SLCO3A1: variants seen among roughly 807,000 people sequenced by gnomAD.
SLCO3A1 encodes the protein solute carrier organic anion transporter family member 3A1, also known as PGE1 transporter.
In SLCO3A1, 27 loss-of-function variants were observed where a neutral mutation model predicts 63.1. The observed-to-expected ratio is 0.43, with a 90% CI of 0.32 to 0.59. SLCO3A1 has a LOEUF of 0.59. Ranked by LOEUF, SLCO3A1 falls within the 20% of genes least tolerant of loss-of-function variation. The pLI is 0.09. For synonymous variants in SLCO3A1, 473 were observed against 409.9 expected (o/e 1.15, Z -1.86); for missense variants, 773 against 945.8 (o/e 0.82, Z 2.40).
intron 3 of SLCO3A1, among the ~76,000 whole-genome samples, chr15:92,100,582 GAC>G (rs1318391999): frequency 6.6e-6 from 1 of 152,168 alleles, no homozygotes; most frequent in Non-Finnish European, 1.5e-5. Flanking sequence ...TTAAAGTTAA[GAC>G]ACTAACTAGA....
intron 9 of SLCO3A1, among the ~76,000 whole-genome samples, chr15:92,156,263 A>C (rs550564435): frequency 6.6e-6 from 1 of 152,146 alleles, no homozygotes; most frequent in African/African-American, 2.4e-5. Flanking sequence ...GGTGGGATGC[A>C]TGGAAGACCC....
rs138423967 is a variant in SLCO3A1, at chr15:91,912,561, A to G, written c.181-3432A>G. 1.0e-3 allele frequency among the ~76,000 whole-genome samples: 152 copies of G among 152,296 alleles called. No homozygotes were observed. Among genetic ancestry groups the G allele is most frequent in the African/African-American group, 3.2e-3 (132 of 41,550 alleles). On this transcript the variant is annotated intron_variant, in intron 1 of 9. Coordinates refer to ENST00000318445, the MANE Select transcript of SLCO3A1 (RefSeq NM_013272.4). This position sits in a 1 kb window ranked among gnomAD's most constrained non-coding sequence, Gnocchi z 5.0. ...TCCCAATCACCCTTATCTGTCATCA[A>G]TGTGCACACCTGCATGATATTTTAT...
intron 7 of SLCO3A1, among the ~76,000 whole-genome samples, chr15:92,145,552 C>A (rs749227690): frequency 2.3e-4 from 35 of 152,028 alleles, no homozygotes; most frequent in Non-Finnish European, 4.7e-4. Flanking sequence ...GTGGAGCGAC[C>A]CTTGAAAAGG....
At chr15:91,870,680 A>G (rs1413562865) in intron 1 of SLCO3A1, among the ~76,000 whole-genome samples, 2 of 152,240 alleles carry the variant, frequency 1.3e-5, no homozygotes, top group South Asian at 4.2e-4. Flanking sequence ...TTTGAACTCC[A>G]TAGTTGTCTG....
At chr15:92,152,629 T>C (rs143886201) in intron 9 of SLCO3A1, among the ~76,000 whole-genome samples, 1 of 152,280 alleles carries the variant, frequency 6.6e-6, no homozygotes, top group African/African-American at 2.4e-5. Flanking sequence ...CTGCATATAT[T>C]TTACCCCTGC....
intron 2 of SLCO3A1, among the ~76,000 whole-genome samples, chr15:91,921,674 A>C (rs995279942): frequency 3.3e-5 from 5 of 152,040 alleles, no homozygotes; most frequent in African/African-American, 1.2e-4. Flanking sequence ...ACAGTAGCAA[A>C]ACCAGGAAGT....
rs1436570499 is a variant in SLCO3A1 at position 91,941,395 on chromosome 15, C to T, written c.646+24937C>T. On this transcript the variant is annotated intron_variant, in intron 2 of 9. Transcript: ENST00000318445. The surrounding 1 kb of genome is among the most constrained non-coding windows in gnomAD (Gnocchi z 4.4). The stretch of plus-strand genomic sequence containing the variant: ...CTGGGAGGCTGTGGGGTCTGCCACC[C>T]AGCAGATCTGTGTCACGGGAGTGGC... 2.6e-5 allele frequency: 10 copies of T among 387,532 alleles called. No homozygotes were observed. Among genetic ancestry groups the T allele is most frequent in the Non-Finnish European group, 4.1e-5 (8 of 196,022 alleles). The allele number at this position is 387,532 out of a possible 1,614,324, so 24.0% of individuals were successfully genotyped here. A position where few individuals can be genotyped will look rare whatever the true frequency, so the allele number is the denominator to read the frequency against.
intron 2 of SLCO3A1, among the ~76,000 whole-genome samples, chr15:92,070,774 G>A (rs570068475): frequency 6.6e-6 from 1 of 152,122 alleles, no homozygotes; most frequent in African/African-American, 2.4e-5. Context: ...GTTGTGACTA[G>A]TGAGAGGTAT....
chr15:92,058,580 C>T (rs901242236), intron 2 of SLCO3A1, among the ~76,000 whole-genome samples: 11 of 152,154 alleles, frequency 7.2e-5, no homozygotes, highest in Admixed American at 2.6e-4. Context: ...ACCCCATTCA[C>T]GTAGGGACAC....
intron 1 of SLCO3A1, among the ~76,000 whole-genome samples, chr15:91,855,480 C>T (rs1301899806): frequency 1.3e-5 from 2 of 152,222 alleles, no homozygotes; most frequent in African/African-American, 4.8e-5. Context: ...ACATCCCGGT[C>T]TCTGTCTTGT....
In SLCO3A1 at chr15:91,854,841, C is replaced by T. The variant is rs935156481; in HGVS notation, c.180+753C>T. On this transcript the variant is annotated intron_variant, in intron 1 of 9. Transcript: ENST00000318445. The surrounding 1 kb of genome is among the most constrained non-coding windows in gnomAD (Gnocchi z 6.4). ...CACAATGAATATGTATTTTATTTGCCTCCAGAAAGGGGATGTTAATGCTCA... is the reference window on the plus strand; with the variant it reads ...CACAATGAATATGTATTTTATTTGCTTCCAGAAAGGGGATGTTAATGCTCA... Among the ~76,000 whole-genome samples, 1 of 152,152 alleles carries T rather than the reference C, an allele frequency of 6.6e-6. No homozygotes were observed. The highest frequency in any genetic ancestry group is 2.4e-5 in the African/African-American group (1 of 41,420).
chr15:92,026,045 C>A (rs2046569887), intron 2 of SLCO3A1, among the ~76,000 whole-genome samples: 1 of 152,210 alleles, frequency 6.6e-6, no homozygotes, highest in East Asian at 1.9e-4. Flanking sequence ...CCTGAGAGCT[C>A]TGCTCTGTGT....
chr15:91,951,370 T>C (rs774145350), intron 2 of SLCO3A1, among the ~76,000 whole-genome samples: 7 of 152,194 alleles, frequency 4.6e-5, no homozygotes, highest in South Asian at 2.1e-4. Context: ...TTTCAAGGTT[T>C]ATTCACATTA....
chr15:91,935,974 C>A (rs1314166547), intron 2 of SLCO3A1, among the ~76,000 whole-genome samples: 1 of 152,096 alleles, frequency 6.6e-6, no homozygotes, highest in Non-Finnish European at 1.5e-5. Flanking sequence ...CTGCTTAAGC[C>A]CTTCCTAACA....
intron 1 of SLCO3A1, chr15:91,889,177 C>T: frequency 7.8e-7 from 1 of 1,286,884 alleles, no homozygotes; most frequent in Non-Finnish European, 1.0e-6. Context: ...GATGTCATAA[C>T]ACTGGAGATG....
chr15:91,889,529 A>G (rs1211123403), intron 1 of SLCO3A1, among the ~76,000 whole-genome samples: 1 of 152,226 alleles, frequency 6.6e-6, no homozygotes, highest in Non-Finnish European at 1.5e-5. Flanking sequence ...AAGCTCTGTA[A>G]GGTAGGCTCA....
At chr15:92,017,707 G>C (rs72630491) in intron 2 of SLCO3A1, among the ~76,000 whole-genome samples, 23,349 of 152,078 alleles carry the variant, frequency 0.15, 2,050 homozygotes, top group East Asian at 0.4. Flanking sequence ...TCTTGTGGAG[G>C]ATTGGCTCAG....
intron 1 of SLCO3A1, among the ~76,000 whole-genome samples, chr15:91,892,265 C>T (rs933214363): frequency 6.6e-5 from 10 of 152,274 alleles, no homozygotes; most frequent in South Asian, 2.1e-4. Context: ...CCACTCTGTC[C>T]CCACTCGTAT....
chr15:92,169,724 G>T (rs1377674787), downstream of SLCO3A1, among the ~76,000 whole-genome samples: 2 of 152,202 alleles, frequency 1.3e-5, no homozygotes, highest in Non-Finnish European at 2.9e-5. Flanking sequence ...ATCAACCACA[G>T]GAGATCAGCT....
Sources: gnomAD v4.1 joint callset for allele counts (sites outside exome capture counted in the v4.1 genomes callset) on GRCh38, gnomAD v4.1.1 for gene constraint, Gnocchi (gnomAD v3.1) non-coding constraint, MANE v1.5 for transcripts, NCBI Gene and HGNC (gene_info 2026-07-23, HGNC 2026-07-21) for gene names.